The following CCNL2 variants were observed in gnomAD, a reference collection of about 807,000 sequenced individuals.
CCNL2 encodes cyclin-L2.
CCNL2 carries 28 observed loss-of-function variants against 59.1 expected under a neutral mutation model. The observed-to-expected ratio is 0.47, with a 90% CI of 0.35 to 0.65. CCNL2 has a LOEUF of 0.65. CCNL2 is among the 30% of genes least tolerant of loss of function. CCNL2 has a pLI of 0.00. For synonymous variants in CCNL2, 342 were observed against 288.6 expected (o/e 1.19, Z -1.88); for missense variants, 714 against 717.4 (o/e 1.00, Z 0.05).
chr1:1,390,719 G>GA (rs758135631), intron 6 of CCNL2, 47 bp downstream of exon 6: 1,923 of 1,538,306 alleles, frequency 1.3e-3, no homozygotes, highest in South Asian at 1.5e-3. Flanking sequence ...GGAGGCTGGA[G>GA]AAAAAAAAAT....
At chr1:1,397,673 G>A (rs1366098767) in intron 3 of CCNL2, among the ~76,000 whole-genome samples, 2 of 152,104 alleles carry the variant, frequency 1.3e-5, no homozygotes, top group Non-Finnish European at 2.9e-5. Context: ...ACCAGCCTGG[G>A]CAACACAGCA....
chr1:1,398,799 G>C (rs1200511831), intron 1 of CCNL2, 128 bp from the exon 2 acceptor site: 2 of 1,233,500 alleles, frequency 1.6e-6, no homozygotes, highest in Non-Finnish European at 2.3e-6. Context: ...GTCCACAAAG[G>C]CTCTTCGCGT....
Position 1,387,598 on chromosome 1 carries a change from G to A in CCNL2, c.1212-16C>T, listed in dbSNP as rs1210430387. 2 of 1,472,598 alleles carry A rather than the reference G, an allele frequency of 1.4e-6. No homozygotes were observed. The highest frequency in any genetic ancestry group is 1.8e-6 in the Non-Finnish European group (2 of 1,107,770). The allele number at this position is 1,472,598 out of a possible 1,614,324, so 91.2% of individuals were successfully genotyped here. A position where few individuals can be genotyped will look rare whatever the true frequency, so the allele number is the denominator to read the frequency against. On this transcript the variant is annotated splice_polypyrimidine_tract_variant and intron_variant, in intron 10 of 10. Transcript: ENST00000400809. ...GTCACTTTTCCTGGGAGGAAGAACA[G>A]CACCACCACACGTGTGACCATCTGG... is the stretch of plus-strand genomic sequence containing the variant.
chr1:1,390,314 C>T lies in CCNL2; in HGVS notation c.922G>A (p.Ala308Thr), dbSNP rs780189508. The change falls in exon 8 of 11, where the codon GCA (alanine) becomes ACA (threonine). Residue 308 changes from alanine to threonine, a missense_variant. By Grantham distance (58) the Ala-to-Thr change is moderately conservative. Around this residue, in one of 5 missense-constraint regions of CCNL2, gnomAD observed 403 missense variants for 377.7 expected, o/e 1.07. Transcript: ENST00000400809. The part of the protein sequence containing the change: ...VEKRKHAIEE[A>T]KAQARGLLPG... Reference sequence around the variant, plus strand: ...AACAGGCCCCGGGCTTGGGCCTTTGCCTCTTCGATAGCGTGCTTTCTTTTT... The same window carrying T: ...AACAGGCCCCGGGCTTGGGCCTTTGTCTCTTCGATAGCGTGCTTTCTTTTT... 1 of 1,613,882 alleles carries T rather than the reference C, an allele frequency of 6.2e-7. No homozygotes were observed. Among genetic ancestry groups the T allele is most frequent in the African/African-American group, 1.3e-5 (1 of 74,908 alleles).
Position 1,398,450 on chromosome 1 carries a change from G to C in CCNL2, c.364-108C>G. The C allele has an allele frequency of 2.5e-6, 4 of 1,571,186 alleles. No individual in the cohort carries two copies. In the South Asian group the frequency reaches 3.5e-5, roughly 14 times the overall value. On this transcript the variant is annotated intron_variant, in intron 2 of 10. Coordinates refer to ENST00000400809, the MANE Select transcript of CCNL2 (RefSeq NM_030937.6). ...AGACCAAAAGGGAGGTGCACCCAGG[G>C]GAAAAAAAAAGTCAAGAAACAGAAC...
In CCNL2 at chr1:1,386,989, G is replaced by C. The variant is rs1409197955; in HGVS notation, c.*242C>G. 4.1e-5 allele frequency: 19 copies of C among 460,620 alleles called. No homozygotes were observed. Among genetic ancestry groups the C allele is most frequent in the Non-Finnish European group, 6.9e-5 (18 of 260,328 alleles). 28.5% of individuals were successfully genotyped at this position (460,620 alleles called of 1,614,324 possible). On this transcript the variant is annotated 3_prime_UTR_variant, in exon 11 of 11. Coordinates refer to ENST00000400809, the MANE Select transcript of CCNL2 (RefSeq NM_030937.6). ...CAGAGCTGCTGCCGAGCTGAGCCCT[G>C]CACGGGCCCAGGTGTGCGCCGCACC...
At chr1:1,390,162 G>A (rs1438648077) in intron 8 of CCNL2, 68 bp downstream of exon 8, 2 of 1,395,496 alleles carry the variant, frequency 1.4e-6, no homozygotes, top group Non-Finnish European at 2.0e-6. Flanking sequence ...ACCCCAGAAT[G>A]GAGGCGGGGG....
intron 3 of CCNL2, 25 bp downstream of exon 3, chr1:1,398,208 G>A (rs371434224): frequency 2.9e-5 from 46 of 1,609,022 alleles, no homozygotes; most frequent in African/African-American, 2.3e-4. Flanking sequence ...ATCTATGATA[G>A]ACTAGACAGC....
chr1:1,395,109 A>G, intron 4 of CCNL2: 3 of 349,298 alleles, frequency 8.6e-6, no homozygotes, highest in East Asian at 4.7e-5. Flanking sequence ...AAAGGAAAAC[A>G]TAAACTAAAA....
intron 5 of CCNL2, chr1:1,392,176 G>A (rs1644797011): frequency 2.5e-6 from 1 of 395,604 alleles, no homozygotes; most frequent in African/African-American, 2.2e-5. Flanking sequence ...CTCTAACACA[G>A]ATACATTCAA....
rs773943786 is a variant in CCNL2, at chr1:1,398,729, G to T, written c.289-58C>A. 30 of 1,489,010 alleles carry T rather than the reference G, an allele frequency of 2.0e-5. No homozygotes were observed. The Middle Eastern group carries it at 5.3e-4, about 26-fold the overall frequency. The allele number at this position is 1,489,010 out of a possible 1,614,324, so 92.2% of individuals were successfully genotyped here. A position where few individuals can be genotyped will look rare whatever the true frequency, so the allele number is the denominator to read the frequency against. On this transcript the variant is annotated intron_variant, in intron 1 of 10. Transcript: ENST00000400809. Reference sequence around the variant, plus strand: ...CGCACCATTCAAAGCCTTCGCGGCCGAAAGTCATCGAGTAACGTGGGACTC... The same window carrying T: ...CGCACCATTCAAAGCCTTCGCGGCCTAAAGTCATCGAGTAACGTGGGACTC...
At chr1:1,391,647 A>G (rs933066697) in intron 5 of CCNL2, 12 of 822,888 alleles carry the variant, frequency 1.5e-5, no homozygotes, top group Non-Finnish European at 1.8e-5. Flanking sequence ...GAAGCAACAT[A>G]ATACTGAACA....
At chr1:1,391,465 T>C (rs1644757993) in intron 5 of CCNL2, 2 of 1,262,576 alleles carry the variant, frequency 1.6e-6, no homozygotes, top group African/African-American at 3.1e-5. Flanking sequence ...GCCCCTTGGG[T>C]GCAAGTTGGA....
At chr1:1,394,431 GC>G (rs1557726507) in intron 4 of CCNL2, among the ~76,000 whole-genome samples, 1 of 152,114 alleles carries the variant, frequency 6.6e-6, no homozygotes, top group African/African-American at 2.4e-5. Flanking sequence ...AGAAAGTAAA[GC>G]TATCACTAAA....
chr1:1,397,303 G>A (rs1006868661), intron 3 of CCNL2, among the ~76,000 whole-genome samples: 2 of 151,660 alleles, frequency 1.3e-5, no homozygotes, highest in Admixed American at 6.6e-5. Flanking sequence ...ACAGACTTTC[G>A]TTTTTTTTGG....
intron 4 of CCNL2, among the ~76,000 whole-genome samples, chr1:1,394,820 A>AGGCCAAGG: frequency 6.7e-6 from 1 of 149,242 alleles, no homozygotes; most frequent in East Asian, 2.0e-4. Flanking sequence ...GCACTTTGGG[A>AGGCCAAGG]GGCCAAGGTG....
intron 10 of CCNL2, 44 bp from the exon 11 acceptor site, chr1:1,387,626 C>A (rs111537067): frequency 1.4e-6 from 2 of 1,443,382 alleles, no homozygotes; most frequent in South Asian, 1.4e-5. Flanking sequence ...CCATCTGGCC[C>A]GGCCAGGCCC....
At chr1:1,392,861 C>G in intron 5 of CCNL2, 1 of 1,557,676 alleles carries the variant, frequency 6.4e-7, no homozygotes, top group Non-Finnish European at 8.8e-7. Context: ...TTAAACATGT[C>G]ATAGCACCAG....
chr1:1,389,773 C>G (rs1050127071), intron 8 of CCNL2, among the ~76,000 whole-genome samples: 4 of 152,020 alleles, frequency 2.6e-5, no homozygotes, highest in Non-Finnish European at 5.9e-5. Flanking sequence ...TCCTGGCTAA[C>G]CTGGTGAAAC....
Sources: allele counts gnomAD v4.1 joint callset (sites outside exome capture counted in the v4.1 genomes callset), GRCh38; gene constraint gnomAD v4.1.1; regional missense constraint gnomAD v4.1.1; transcripts MANE v1.5; gene names NCBI Gene and HGNC (gene_info 2026-07-23, HGNC 2026-07-21).